Variants in NMUR2 observed in about 807,000 individuals in gnomAD.
NMUR2 encodes the protein neuromedin-U receptor 2.
In NMUR2, 24 loss-of-function variants were observed where a neutral mutation model predicts 25.1. That is an observed-to-expected ratio of 0.96 (90% CI 0.69 to 1.34). The LOEUF (loss-of-function observed/expected upper bound fraction) is 1.34. Among genes scored for constraint, NMUR2 ranks in the 40% most tolerant of loss-of-function variants. The pLI is 0.00. For missense variants in NMUR2, 533 were observed against 512.8 expected (o/e 1.04, Z -0.38); for synonymous variants, 218 against 208.1 (o/e 1.05, Z -0.41).
Position 152,404,901 on chromosome 5 carries a change from C to A in NMUR2, c.213G>T (p.Leu71=). The stretch of plus-strand genomic sequence containing the variant: ...TGGGCGTCTTCATAGCCTGGTGCTG[C>A]AGAATCACCAGGCACACCAGGACAT... ...IGNVLVCLVI[L]QHQAMKTPTN... The change falls in exon 1 of 4, where the codon CTG becomes CTT. Residue 71 remains leucine, a synonymous_variant. Coordinates refer to ENST00000255262, the MANE Select transcript of NMUR2 (RefSeq NM_020167.5). 1 of 1,614,020 alleles carries A rather than the reference C, an allele frequency of 6.2e-7. No individual in the cohort carries two copies.
intron 1 of NMUR2, among the ~76,000 whole-genome samples, chr5:152,401,074 A>C (rs181801623): frequency 6.6e-6 from 1 of 152,352 alleles, no homozygotes; most frequent in Non-Finnish European, 1.5e-5. Context: ...AGTGGTTGAC[A>C]GAATAGAATA....
Position 152,392,306 on chromosome 5 carries a change from A to T in NMUR2, c.1133T>A (p.Ile378Lys). ...ECHFVELTED[I>K]GPQFPCQSSM... ...TGACTGACATGGGAATTGGGGACCT[A>T]TATCTTCGGTCAGCTCCACAAAGTG... is the stretch of plus-strand genomic sequence containing the variant. Residue 378 changes from isoleucine (I) to lysine (K), a missense_variant, in exon 4 of 4, where the codon ATA (isoleucine) becomes AAA (lysine). Physicochemically the swap from Ile to Lys is moderately radical, Grantham distance 102. Coordinates refer to ENST00000255262, the MANE Select transcript of NMUR2 (RefSeq NM_020167.5). The T allele has an allele frequency of 6.2e-7, 1 of 1,613,970 alleles. No homozygotes were observed. Among genetic ancestry groups the T allele is most frequent in the South Asian group, 1.1e-5 (1 of 91,080 alleles).
rs1230465211 is a variant in NMUR2, at chr5:152,404,844, A to T, written c.270T>A (p.Ser90=). ...TNYYLFSLAV[S]DLLVLLLGMP... Reference sequence around the variant, plus strand: ...TTCCAAGGAGCAGGACCAGGAGGTCAGAGACCGCCAGGCTGAAGAGGTAGT... The same window carrying T: ...TTCCAAGGAGCAGGACCAGGAGGTCTGAGACCGCCAGGCTGAAGAGGTAGT... Residue 90 remains serine, a synonymous_variant, in exon 1 of 4, where the codon TCT becomes TCA. Transcript: ENST00000255262. The T allele has an allele frequency of 6.2e-7, 1 of 1,614,140 alleles. No homozygotes were observed. Among genetic ancestry groups the T allele is most frequent in the Admixed American group, 1.7e-5 (1 of 60,020 alleles).
intron 1 of NMUR2, among the ~76,000 whole-genome samples, chr5:152,399,586 A>G (rs1753219742): frequency 6.6e-6 from 1 of 152,180 alleles, no homozygotes; most frequent in Admixed American, 6.5e-5. Flanking sequence ...GCTTGGAGCC[A>G]CCAAAGGATG....
chr5:152,398,043 CA>C lies in NMUR2; in HGVS notation c.811+16del. 1 of 1,599,776 alleles carries C rather than the reference CA, an allele frequency of 6.3e-7. No individual in the cohort carries two copies. The highest frequency in any genetic ancestry group is 8.6e-7 in the Non-Finnish European group (1 of 1,168,700). ...CTTATGAACAAAACAAAACAAAAAA[CA>C]AAATGGGGCACTTACACAGCATCTT... is the stretch of plus-strand genomic sequence containing the variant. On this transcript the variant is annotated intron_variant, in intron 2 of 3. Transcript: ENST00000255262.
Position 152,404,421 on chromosome 5 carries a change from G to A in NMUR2, c.693C>T (p.Val231=), listed in dbSNP as rs1314177693. 9.3e-6 allele frequency: 15 copies of A among 1,614,000 alleles called. No individual in the cohort carries two copies. In the East Asian group the frequency reaches 3.1e-4, roughly 34 times the overall value. ...CCATGAGGTAGTAGAGGACACTGAT[G>A]ACAGTCATGGGGAGGAGGTAGAATA... ...SFLFYLLPMT[V]ISVLYYLMAL... The change falls in exon 1 of 4, where the codon GTC becomes GTT. Residue 231 remains valine, a synonymous_variant. Transcript: ENST00000255262.
intron 2 of NMUR2, among the ~76,000 whole-genome samples, chr5:152,397,329 T>C (rs1246883820): frequency 6.6e-6 from 1 of 152,172 alleles, no homozygotes; most frequent in Non-Finnish European, 1.5e-5. Context: ...TCCTCTCATA[T>C]AGTAGTGCTG....
chr5:152,399,277 A>G (rs1753216022), intron 1 of NMUR2, among the ~76,000 whole-genome samples: 1 of 152,026 alleles, frequency 6.6e-6, no homozygotes, highest in Non-Finnish European at 1.5e-5. Context: ...TAATAATAGC[A>G]CCCTAATTTT....
At chr5:152,396,045 C>A (rs1753142760) in intron 2 of NMUR2, among the ~76,000 whole-genome samples, 1 of 152,060 alleles carries the variant, frequency 6.6e-6, no homozygotes, top group South Asian at 2.1e-4. Flanking sequence ...CCTAATAGTA[C>A]TTTACAAGAA....
intron 2 of NMUR2, among the ~76,000 whole-genome samples, chr5:152,397,696 G>A (rs1295816141): frequency 6.6e-6 from 1 of 151,986 alleles, no homozygotes; most frequent in Non-Finnish European, 1.5e-5. Flanking sequence ...TCACAGAGGG[G>A]GAAAGTGAAG....
At chr5:152,402,357 A>G (rs1339969810) in intron 1 of NMUR2, among the ~76,000 whole-genome samples, 3 of 152,180 alleles carry the variant, frequency 2.0e-5, no homozygotes, top group Non-Finnish European at 4.4e-5. Flanking sequence ...GAGTTTCAGT[A>G]TAGAGATTTT....
rs1346645352 is a variant in NMUR2, at chr5:152,400,544, C to G, written c.727-2400G>C. On this transcript the variant is annotated intron_variant, in intron 1 of 3. Transcript: ENST00000255262. The stretch of plus-strand genomic sequence containing the variant: ...TAGAAATTCTTTTCTCATGTTACCA[C>G]TCGCTCACAAAGAGTGCCTGTACTG... Among the ~76,000 whole-genome samples the G allele has an allele frequency of 2.0e-5, 3 of 152,162 alleles. No individual in the cohort carries two copies. The East Asian group carries it at 5.8e-4, about 29-fold the overall frequency.
chr5:152,392,399 T>A lies in NMUR2; in HGVS notation c.1040A>T (p.Lys347Ile). 6.2e-7 allele frequency: 1 copy of A among 1,614,000 alleles called. No individual in the cohort carries two copies. The highest frequency in any genetic ancestry group is 8.5e-7 in the Non-Finnish European group (1 of 1,179,918). The change falls in exon 4 of 4, where the codon AAA becomes ATA. Residue 347 changes from lysine to isoleucine, a missense_variant. Physicochemically the swap from Lys to Ile is moderately radical, Grantham distance 102 (BLOSUM62 -3). Coordinates refer to ENST00000255262, the MANE Select transcript of NMUR2 (RefSeq NM_020167.5). Reference protein sequence around the residue: ...AFQNVISSFHKQWHSQHDPQL... With the variant: ...AFQNVISSFHIQWHSQHDPQL... ...TGGGTCATGCTGGGAGTGCCACTGT[T>A]TGTGGAAAGAAGAGATCACATTCTG...
chr5:152,403,532 C>A (rs1236651252), intron 1 of NMUR2, among the ~76,000 whole-genome samples: 2 of 151,886 alleles, frequency 1.3e-5, no homozygotes, highest in African/African-American at 4.8e-5. Flanking sequence ...AGGAAAAGAA[C>A]CTCTAATTAT....
chr5:152,399,010 G>C (rs1753211508), intron 1 of NMUR2, among the ~76,000 whole-genome samples: 1 of 152,118 alleles, frequency 6.6e-6, no homozygotes, highest in Admixed American at 6.5e-5. Context: ...GTTCCTGAAA[G>C]ACTTTGATGA....
At position 152,405,104 on chromosome 5, in the gene NMUR2, T is replaced by C. The variant is rs768183296; in HGVS notation, c.10A>G (p.Met4Val). The part of the protein sequence containing the change: MSG[M>V]EKLQNASWIY... ...CAGGAAGCATTCTGAAGTTTTTCCA[T>C]CCCTGACATTAAAATCCAAGGCCTG... The change falls in exon 1 of 4, where the codon ATG (methionine) becomes GTG (valine). Residue 4 changes from methionine (M) to valine (V), a missense_variant. Transcript: ENST00000255262. 2 of 1,601,480 alleles carry C rather than the reference T, an allele frequency of 1.2e-6. No individual in the cohort carries two copies. The highest frequency in any genetic ancestry group is 2.2e-5 in the East Asian group (1 of 44,502).
Position 152,404,487 on chromosome 5 carries a change from G to T in NMUR2, c.627C>A (p.Pro209=), listed in dbSNP as rs567937141. 253 of 1,614,160 alleles carry T rather than the reference G, an allele frequency of 1.6e-4. No homozygotes were observed. In the Admixed American group the frequency reaches 3.8e-3, roughly 24 times the overall value. The change falls in exon 1 of 4, where the codon CCC becomes CCA. Residue 209 remains proline, a synonymous_variant. Transcript: ENST00000255262. ...GGATGATGAAATTGTAGATCCACAT[G>T]GGCTTGATGACCGTACAGGTGGCCG... ...PGSATCTVIK[P]MWIYNFIIQV...
chr5:152,404,959 T>C lies in NMUR2; in HGVS notation c.155A>G (p.Tyr52Cys), dbSNP rs1753330846. The C allele has an allele frequency of 1.2e-6, 2 of 1,613,842 alleles. No homozygotes were observed. Among genetic ancestry groups the C allele is most frequent in the African/African-American group, 1.3e-5 (1 of 74,932 alleles). ...GACCCCCACCACAAAAATTGGCACA[T>C]ACACCACAGACACGGGGAGGAAGAA... ...SHFFLPVSVVYVPIFVVGVIG... is the reference protein window; with the variant it reads ...SHFFLPVSVVCVPIFVVGVIG... The change falls in exon 1 of 4, where the codon TAT (tyrosine) becomes TGT (cysteine). Residue 52 changes from tyrosine to cysteine, a missense_variant. Tyr to Cys is a radical substitution (Grantham distance 194). Coordinates refer to ENST00000255262, the MANE Select transcript of NMUR2 (RefSeq NM_020167.5).
chr5:152,405,148 G>C lies in NMUR2; in HGVS notation c.-35C>G. The C allele has an allele frequency of 1.3e-6, 2 of 1,533,106 alleles. No homozygotes were observed. Among genetic ancestry groups the C allele is most frequent in the South Asian group, 2.5e-5 (2 of 79,360 alleles). The allele number at this position is 1,533,106 out of a possible 1,614,324, so 95.0% of individuals were successfully genotyped here. A position where few individuals can be genotyped will look rare whatever the true frequency, so the allele number is the denominator to read the frequency against. On this transcript the variant is annotated 5_prime_UTR_variant, in exon 1 of 4. Transcript: ENST00000255262. The stretch of plus-strand genomic sequence containing the variant: ...AGGCCTGAGCCTCCCCTGGTACGAG[G>C]CTCTGTTTCAAGCTGAGCCAGGAAA...
Sources: gnomAD v4.1 joint callset for allele counts (sites outside exome capture counted in the v4.1 genomes callset) on GRCh38, gnomAD v4.1.1 for gene constraint, MANE v1.5 for transcripts, NCBI Gene and HGNC (gene_info 2026-07-23, HGNC 2026-07-21) for gene names.